The following ASCC3 variants were observed in gnomAD, a reference collection of about 807,000 sequenced individuals.
ASCC3 encodes the protein activating signal cointegrator 1 complex subunit 3.
A neutral mutation model predicts 256.3 loss-of-function variants in ASCC3; 158 were observed. The observed-to-expected ratio is 0.62, with a 90% CI of 0.54 to 0.70. The LOEUF (loss-of-function observed/expected upper bound fraction) is 0.70. Ranked by LOEUF, ASCC3 falls within the 30% of genes least tolerant of loss-of-function variation. The pLI is 0.00. For synonymous variants in ASCC3, 948 were observed against 883.4 expected (o/e 1.07, Z -1.30); for missense variants, 2,259 against 2,626.0 (o/e 0.86, Z 3.05).
chr6:100,865,961 T>TATTTATTTATTTA (rs1263396023), intron 2 of ASCC3, among the ~76,000 whole-genome samples: 1 of 149,880 alleles, frequency 6.7e-6, no homozygotes, highest in African/African-American at 2.5e-5. Context: ...TTCATTTATT[T>TATTTATTTATTTA]ATTTATTTAT....
At chr6:100,551,133 T>C (rs1769279006) in intron 36 of ASCC3, among the ~76,000 whole-genome samples, 1 of 151,934 alleles carries the variant, frequency 6.6e-6, no homozygotes. Flanking sequence ...TGCACTTCAA[T>C]AAAAATTAAA....
At chr6:100,611,875 A>T (rs966632259) in intron 30 of ASCC3, among the ~76,000 whole-genome samples, 4 of 151,898 alleles carry the variant, frequency 2.6e-5, no homozygotes, top group Admixed American at 2.6e-4. Flanking sequence ...TTAAAAAAAA[A>T]AACCATGATA....
At chr6:100,772,689 T>G (rs940429078) in intron 8 of ASCC3, among the ~76,000 whole-genome samples, 3 of 152,180 alleles carry the variant, frequency 2.0e-5, no homozygotes, top group African/African-American at 7.2e-5. Flanking sequence ...TCCTGATCAC[T>G]TAGCCTCGGA....
intron 10 of ASCC3, among the ~76,000 whole-genome samples, chr6:100,740,876 T>C (rs1431084033): frequency 6.6e-6 from 1 of 152,230 alleles, no homozygotes; most frequent in Non-Finnish European, 1.5e-5. Context: ...GTCTTTTAAT[T>C]GGGGCTTTTA....
At chr6:100,764,866 T>A (rs1456195750) in intron 10 of ASCC3, among the ~76,000 whole-genome samples, 1 of 152,054 alleles carries the variant, frequency 6.6e-6, no homozygotes, top group Non-Finnish European at 1.5e-5. Flanking sequence ...ATTCAGCCCA[T>A]ATGTGTGACC....
chr6:100,875,397 T>C (rs2114573040), intron 1 of ASCC3, among the ~76,000 whole-genome samples: 1 of 152,302 alleles, frequency 6.6e-6, no homozygotes, highest in African/African-American at 2.4e-5. Flanking sequence ...GTGGGGCATA[T>C]GGTTTTGGAT....
At chr6:100,692,818 T>C (rs1777900140) in intron 13 of ASCC3, among the ~76,000 whole-genome samples, 1 of 152,046 alleles carries the variant, frequency 6.6e-6, no homozygotes, top group South Asian at 2.1e-4. Context: ...AAATAAGCAG[T>C]TGGACTAGGA....
intron 4 of ASCC3, among the ~76,000 whole-genome samples, chr6:100,846,539 T>C (rs1365411543): frequency 4.6e-5 from 7 of 152,196 alleles, no homozygotes; most frequent in Admixed American, 4.6e-4. Context: ...TGGCTTGTCA[T>C]ACACCTTAAC....
Position 100,601,876 on chromosome 6 carries a change from G to C in ASCC3, c.5237C>G (p.Ser1746Cys). 6.2e-7 allele frequency: 1 copy of C among 1,612,538 alleles called. No individual in the cohort carries two copies. Among genetic ancestry groups the C allele is most frequent in the Non-Finnish European group, 8.5e-7 (1 of 1,178,866 alleles). The stretch of plus-strand genomic sequence containing the variant: ...GATATAATCCAATGCATCTTGCTTA[G>C]ATGTAATTGTACCACCAGCAATCTC... ...NAEIAGGTIT[S>C]KQDALDYITW... Residue 1746 changes from serine (S) to cysteine (C), a missense_variant, in exon 34 of 42, where the codon TCT (serine) becomes TGT (cysteine). Physicochemically the swap from Ser to Cys is moderately radical, Grantham distance 112. This residue lies in a region of ASCC3 where 1,839 missense variants were observed against 2,206.7 expected (regional missense o/e 0.83). Coordinates refer to ENST00000369162, the MANE Select transcript of ASCC3 (RefSeq NM_006828.4).
chr6:100,773,479 C>T (rs368459514), intron 8 of ASCC3, among the ~76,000 whole-genome samples: 23 of 152,138 alleles, frequency 1.5e-4, no homozygotes, highest in African/African-American at 4.8e-4. Flanking sequence ...ATTTCTGGTT[C>T]TCTCCAATTC....
At chr6:100,825,762 T>A (rs1771273732) in intron 4 of ASCC3, among the ~76,000 whole-genome samples, 1 of 152,130 alleles carries the variant, frequency 6.6e-6, no homozygotes. Flanking sequence ...ATTTGGTATT[T>A]TCACATAGTC....
chr6:100,580,320 C>A (rs1175617978), intron 36 of ASCC3, among the ~76,000 whole-genome samples: 1 of 151,694 alleles, frequency 6.6e-6, no homozygotes, highest in Non-Finnish European at 1.5e-5. Context: ...TACTTATATT[C>A]TCTAAAGGAA....
intron 30 of ASCC3, among the ~76,000 whole-genome samples, chr6:100,608,731 TTATATA>T (rs1169558095): frequency 0.016 from 44 of 2,712 alleles, 13 homozygotes; most frequent in African/African-American, 0.046. Flanking sequence ...TATATATACT[TTATATA>T]TATATATATA....
At chr6:100,545,746 T>TA (rs1241348290) in intron 36 of ASCC3, among the ~76,000 whole-genome samples, 6 of 152,142 alleles carry the variant, frequency 3.9e-5, no homozygotes, top group East Asian at 3.9e-4. Context: ...CTTGGCTAAT[T>TA]AAAAAAAATA....
At chr6:100,764,643 T>C (rs1039883500) in intron 10 of ASCC3, among the ~76,000 whole-genome samples, 1 of 152,136 alleles carries the variant, frequency 6.6e-6, no homozygotes, top group African/African-American at 2.4e-5. Flanking sequence ...ACAAAGAACT[T>C]TGTCTTTTTG....
At chr6:100,849,645 T>C (rs535442923) in intron 3 of ASCC3, among the ~76,000 whole-genome samples, 1 of 152,228 alleles carries the variant, frequency 6.6e-6, no homozygotes, top group South Asian at 2.1e-4. Flanking sequence ...TTTTCTCATA[T>C]CCAATTTTCT....
intron 3 of ASCC3, chr6:100,858,496 T>C (rs1773067589): frequency 2.5e-6 from 2 of 800,846 alleles, no homozygotes; most frequent in Non-Finnish European, 3.0e-6. Context: ...CTTCTATTCC[T>C]AGTTTGCTGA....
At chr6:100,754,114 G>A (rs1023395276) in intron 10 of ASCC3, among the ~76,000 whole-genome samples, 2 of 152,026 alleles carry the variant, frequency 1.3e-5, no homozygotes, top group African/African-American at 2.4e-5. Context: ...ACATTTTGCA[G>A]GCTACTACTA....
intron 4 of ASCC3, among the ~76,000 whole-genome samples, chr6:100,818,306 T>C (rs12211893): frequency 0.032 from 4,893 of 152,190 alleles, 126 homozygotes; most frequent in Non-Finnish European, 0.054. Context: ...CGGTGGTTCA[T>C]GCTTGTAATC....
Sources: allele counts gnomAD v4.1 joint callset (sites outside exome capture counted in the v4.1 genomes callset), GRCh38; gene constraint gnomAD v4.1.1; regional missense constraint gnomAD v4.1.1; transcripts MANE v1.5; gene names NCBI Gene and HGNC (gene_info 2026-07-23, HGNC 2026-07-21).